The following SLC17A1 variants were observed in gnomAD, a reference collection of about 807,000 sequenced individuals.
SLC17A1 encodes sodium-dependent phosphate transport protein 1.
Under a neutral mutation model 53.5 loss-of-function variants are expected in SLC17A1, and 51 were observed. The ratio of observed to expected loss-of-function variants is 0.95; its 90% confidence interval spans 0.76 to 1.20. The LOEUF is 1.20. SLC17A1 is among the 50% of genes most tolerant of loss of function. The probability of loss-of-function intolerance (pLI) is 0.00; values close to 1 mark genes in which losing one functional copy is unlikely to be tolerated. For missense variants in SLC17A1, 538 were observed against 568.2 expected (o/e 0.95, Z 0.54); for synonymous variants, 179 against 198.8 (o/e 0.90, Z 0.84).
chr6:25,779,125 C>T (rs760896820), downstream of SLC17A1: 1 of 1,613,946 alleles, frequency 6.2e-7, no homozygotes, highest in East Asian at 2.2e-5. Context: ...TGGTTTTCTA[C>T]CTCATCTTTG....
intron 2 of SLC17A1, 65 bp from the exon 3 acceptor site, chr6:25,826,698 A>G: frequency 8.1e-7 from 1 of 1,229,668 alleles, no homozygotes; most frequent in East Asian, 2.8e-5. Context: ...CTTTAACTAT[A>G]GGAGGGACAT....
the SLC17A1 span, among the ~76,000 whole-genome samples, chr6:25,748,957 A>T: frequency 6.6e-6 from 1 of 152,188 alleles, no homozygotes; most frequent in African/African-American, 2.4e-5. Context: ...TGTGTTTTGT[A>T]CCGAGACATT....
chr6:25,823,231 T>A (rs1764625296), intron 3 of SLC17A1, among the ~76,000 whole-genome samples: 6 of 152,138 alleles, frequency 3.9e-5, no homozygotes. Context: ...TTATTTCCAG[T>A]TTTTTGGCTA....
chr6:25,794,769 G>A (rs1040991943), intron 12 of SLC17A1, among the ~76,000 whole-genome samples: 3 of 152,182 alleles, frequency 2.0e-5, no homozygotes, highest in African/African-American at 7.2e-5. Context: ...GGTGAGGCTG[G>A]GTAGGAGGCA....
the SLC17A1 span, among the ~76,000 whole-genome samples, chr6:25,755,220 G>A: frequency 6.6e-6 from 1 of 152,100 alleles, no homozygotes; most frequent in Non-Finnish European, 1.5e-5. Context: ...TCTCAGAGAG[G>A]AAGATTTTCA....
the SLC17A1 span, among the ~76,000 whole-genome samples, chr6:25,725,939 C>T: frequency 1.4e-4 from 22 of 152,202 alleles, no homozygotes; most frequent in African/African-American, 5.1e-4. Flanking sequence ...CGATGGAACG[C>T]TCCTTGAAAA....
At chr6:25,744,140 A>G in the SLC17A1 span, among the ~76,000 whole-genome samples, 2 of 152,202 alleles carry the variant, frequency 1.3e-5, no homozygotes, top group African/African-American at 4.8e-5. Context: ...GGGAGATATG[A>G]CTGGATGGCA....
At chr6:25,743,216 T>G in the SLC17A1 span, among the ~76,000 whole-genome samples, 1 of 152,204 alleles carries the variant, frequency 6.6e-6, no homozygotes, top group Admixed American at 6.5e-5. Context: ...TTAAACCATG[T>G]TAATGATTTA....
intron 3 of SLC17A1, among the ~76,000 whole-genome samples, chr6:25,822,435 A>G (rs1031697096): frequency 3.3e-5 from 5 of 152,174 alleles, no homozygotes; most frequent in African/African-American, 9.7e-5. Context: ...TTAGACTACA[A>G]TTTAGATCTG....
At chr6:25,755,503 G>C in the SLC17A1 span, among the ~76,000 whole-genome samples, 1 of 152,146 alleles carries the variant, frequency 6.6e-6, no homozygotes, top group Non-Finnish European at 1.5e-5. Flanking sequence ...TTCTACAGTG[G>C]ACTGATAACT....
intron 6 of SLC17A1, among the ~76,000 whole-genome samples, chr6:25,818,480 G>C (rs1764436998): frequency 6.6e-6 from 1 of 152,086 alleles, no homozygotes; most frequent in Admixed American, 6.5e-5. Flanking sequence ...TTTGCCTTAA[G>C]TATATGACTT....
At chr6:25,756,096 C>T in the SLC17A1 span, among the ~76,000 whole-genome samples, 1 of 152,122 alleles carries the variant, frequency 6.6e-6, no homozygotes, top group South Asian at 2.1e-4. Context: ...CCTTTACAGC[C>T]CATGTGCCAC....
Position 25,800,961 on chromosome 6 carries a change from C to T in SLC17A1, c.1198G>A (p.Ala400Thr). The T allele has an allele frequency of 6.2e-7, 1 of 1,600,094 alleles. No homozygotes were observed. The highest frequency in any genetic ancestry group is 8.6e-7 in the Non-Finnish European group (1 of 1,167,576). The stretch of plus-strand genomic sequence containing the variant: ...ATCATTCCAGTTAAAGTTGAACATG[C>T]TTTAATAAATCCAAAATATCTATGC... ...IAPRYFGFIK[A>T]CSTLTGMIGG... Residue 400 changes from alanine to threonine, a missense_variant, in exon 11 of 13, where the codon GCA becomes ACA. Transcript: ENST00000244527.
At chr6:25,778,347 C>T (rs1237752859), downstream of SLC17A1, among the ~76,000 whole-genome samples, 1 of 151,668 alleles carries the variant, frequency 6.6e-6, no homozygotes, top group Non-Finnish European at 1.5e-5. Context: ...TGGTTTTTCA[C>T]TGGTAAATCA....
the SLC17A1 span, chr6:25,726,108 C>CT: frequency 1.3e-6 from 2 of 1,503,298 alleles, no homozygotes; most frequent in Non-Finnish European, 1.8e-6. Flanking sequence ...ACACAGAAGT[C>CT]TTTTTACCAA....
At chr6:25,745,443 T>C in the SLC17A1 span, among the ~76,000 whole-genome samples, 4 of 152,232 alleles carry the variant, frequency 2.6e-5, no homozygotes, top group East Asian at 7.7e-4. Context: ...AACTATACAT[T>C]TGAGAGAGGC....
At chr6:25,812,320 T>C (rs1020678894) in intron 8 of SLC17A1, among the ~76,000 whole-genome samples, 1 of 152,192 alleles carries the variant, frequency 6.6e-6, no homozygotes, top group Non-Finnish European at 1.5e-5. Context: ...CTGGTTATTA[T>C]GGTATTGAAC....
intron 12 of SLC17A1, among the ~76,000 whole-genome samples, chr6:25,784,863 T>C (rs1352301644): frequency 6.6e-6 from 1 of 152,172 alleles, no homozygotes; most frequent in Non-Finnish European, 1.5e-5. Flanking sequence ...AAGACAAAGA[T>C]GTCTACTCTA....
At chr6:25,773,929 C>T in the SLC17A1 span, among the ~76,000 whole-genome samples, 1 of 152,072 alleles carries the variant, frequency 6.6e-6, no homozygotes, top group African/African-American at 2.4e-5. Flanking sequence ...ATACTATTTT[C>T]ATATATACTA....
Sources: gnomAD v4.1 joint callset for allele counts (sites outside exome capture counted in the v4.1 genomes callset) on GRCh38, gnomAD v4.1.1 for gene constraint, MANE v1.5 for transcripts, NCBI Gene and HGNC (gene_info 2026-07-23, HGNC 2026-07-21) for gene names.